USP42: variants seen among roughly 807,000 people sequenced by gnomAD.
The protein encoded by USP42 is ubiquitin specific peptidase 42, also known as ubiquitin carboxyl-terminal hydrolase 42.
In USP42, 23 loss-of-function variants were observed where a neutral mutation model predicts 113.0. The observed-to-expected ratio is 0.20, with a 90% CI of 0.15 to 0.29. The LOEUF (loss-of-function observed/expected upper bound fraction) is 0.29. Among genes scored for constraint, USP42 ranks in the 10% least tolerant of loss-of-function variants. USP42 has a pLI of 1.00. For synonymous variants in USP42, 933 were observed against 699.0 expected (o/e 1.33, Z -5.28); for missense variants, 2,174 against 1,779.8 (o/e 1.22, Z -3.99).
chr7:6,132,113 C>G (rs1449893659), intron 3 of USP42, among the ~76,000 whole-genome samples: 1 of 151,814 alleles, frequency 6.6e-6, no homozygotes, highest in African/African-American at 2.4e-5. Context: ...TTTGTAGAGA[C>G]AGGATTTTGG....
chr7:6,099,206 CCTCT>C, the USP42 span, among the ~76,000 whole-genome samples: 2 of 136,506 alleles, frequency 1.5e-5, no homozygotes, highest in Non-Finnish European at 3.1e-5. Context: ...CCCATTGTTC[CCTCT>C]CTTTTTTTTT....
At chr7:6,115,655 C>G in intron 3 of USP42, 132 bp downstream of exon 3, 1 of 1,122,934 alleles carries the variant, frequency 8.9e-7, no homozygotes, top group Non-Finnish European at 1.3e-6. Context: ...CTTTTAGAAA[C>G]CAAGGAGGAG....
chr7:6,146,748 C>T (rs965180583), intron 11 of USP42, among the ~76,000 whole-genome samples: 1 of 152,232 alleles, frequency 6.6e-6, no homozygotes, highest in Non-Finnish European at 1.5e-5. Flanking sequence ...GTTTGCTCCG[C>T]ATCGCACTCT....
Position 6,144,194 on chromosome 7 carries a change from A to G in USP42, c.988A>G (p.Lys330Glu). Reference protein sequence around the residue: ...FANFTGGKIAKDVKYPEYLDI... With the variant: ...FANFTGGKIAEDVKYPEYLDI... ...AAATTTTACCGGTGGAAAAATTGCT[A>G]AGGTATGTGGATGATGTCATTAATC... The change falls in exon 9 of 18, where the codon AAG (lysine) becomes GAG (glutamate). Residue 330 changes from lysine to glutamate, a missense_variant and splice_region_variant. Lys to Glu is a moderately conservative substitution (Grantham distance 56, BLOSUM62 1). Transcript: ENST00000306177. The G allele has an allele frequency of 6.3e-7, 1 of 1,578,304 alleles. No homozygotes were observed. Among genetic ancestry groups the G allele is most frequent in the Non-Finnish European group, 8.6e-7 (1 of 1,160,618 alleles).
chr7:6,112,308 G>A (rs1025225734), intron 2 of USP42, among the ~76,000 whole-genome samples: 2 of 152,082 alleles, frequency 1.3e-5, no homozygotes, highest in Non-Finnish European at 2.9e-5. Flanking sequence ...AATTAGCTGG[G>A]CATGGTGGTG....
At chr7:6,094,808 CT>C in the USP42 span, among the ~76,000 whole-genome samples, 11,553 of 139,676 alleles carry the variant, frequency 0.083, 798 homozygotes, top group African/African-American at 0.15. Flanking sequence ...TTCCACTTGG[CT>C]TTTTTTTTTT....
intron 1 of USP42, among the ~76,000 whole-genome samples, chr7:6,108,508 G>A (rs1286436200): frequency 6.6e-6 from 1 of 152,146 alleles, no homozygotes; most frequent in Admixed American, 6.5e-5. Context: ...TAAAGACAGA[G>A]TCTCGCTCTG....
At chr7:6,092,865 G>C in the USP42 span, among the ~76,000 whole-genome samples, 5 of 151,176 alleles carry the variant, frequency 3.3e-5, no homozygotes, top group African/African-American at 7.4e-5. Flanking sequence ...TCTTATGTTG[G>C]TGTGCAGGGA....
chr7:6,160,837 C>T lies in USP42; in HGVS notation c.*319C>T, dbSNP rs145445036. 2.0e-5 allele frequency: 3 copies of T among 152,660 alleles called. No individual in the cohort carries two copies. The highest frequency in any genetic ancestry group is 7.2e-5 in the African/African-American group (3 of 41,514). 9.5% of individuals were successfully genotyped at this position (152,660 alleles called of 1,614,324 possible). ...ATGCTGCTTAATTACAGACTCAGGTCGATTACTTGTATTTCATGTAATGTT... is the reference window on the plus strand; with the variant it reads ...ATGCTGCTTAATTACAGACTCAGGTTGATTACTTGTATTTCATGTAATGTT... On this transcript the variant is annotated 3_prime_UTR_variant, in exon 18 of 18. Transcript: ENST00000306177.
chr7:6,107,409 C>CTTTTTTTT (rs774259719), intron 1 of USP42, among the ~76,000 whole-genome samples: 4 of 130,796 alleles, frequency 3.1e-5, no homozygotes, highest in Non-Finnish European at 6.5e-5. Context: ...TCTTCCTTTT[C>CTTTTTTTT]TTTTTTTTTT....
At chr7:6,130,110 G>C (rs6953775) in intron 3 of USP42, among the ~76,000 whole-genome samples, 35,825 of 151,898 alleles carry the variant, frequency 0.24, 5,494 homozygotes, top group East Asian at 0.75. Flanking sequence ...GTCGACCTCC[G>C]AAAGTGCTAG....
At chr7:6,148,449 G>C (rs1781844838) in intron 12 of USP42, among the ~76,000 whole-genome samples, 1 of 152,210 alleles carries the variant, frequency 6.6e-6, no homozygotes, top group Non-Finnish European at 1.5e-5. Flanking sequence ...GTCCCCTCTG[G>C]ACTTCCATTC....
chr7:6,091,510 G>C, the USP42 span, among the ~76,000 whole-genome samples: 1 of 150,736 alleles, frequency 6.6e-6, no homozygotes, highest in Non-Finnish European at 1.5e-5. Flanking sequence ...TAACAGGCTT[G>C]AGCCGCCATG....
chr7:6,099,056 T>G, the USP42 span, among the ~76,000 whole-genome samples: 2 of 149,846 alleles, frequency 1.3e-5, no homozygotes, highest in Non-Finnish European at 3.0e-5. Flanking sequence ...TTCAACCTTT[T>G]CTAATGTTCT....
intron 14 of USP42, among the ~76,000 whole-genome samples, 152 bp downstream of exon 14, chr7:6,150,658 C>T (rs566345): frequency 0.018 from 2,814 of 152,292 alleles, 39 homozygotes; most frequent in Non-Finnish European, 0.028. Context: ...GATTTATTAA[C>T]TTGCCTTTTA....
chr7:6,146,772 C>G (rs549218026), intron 11 of USP42, among the ~76,000 whole-genome samples: 1 of 152,348 alleles, frequency 6.6e-6, no homozygotes, highest in Admixed American at 6.5e-5. Context: ...GCCATGAGCA[C>G]TGAAGGTGCA....
At chr7:6,141,455 C>G (rs1287801146) in intron 7 of USP42, among the ~76,000 whole-genome samples, 1 of 152,076 alleles carries the variant, frequency 6.6e-6, no homozygotes, top group Non-Finnish European at 1.5e-5. Flanking sequence ...GCCCACCTCC[C>G]AAAGTGCTGG....
intron 15 of USP42, among the ~76,000 whole-genome samples, chr7:6,155,478 C>G (rs1243505887): frequency 6.6e-6 from 1 of 152,192 alleles, no homozygotes; most frequent in East Asian, 1.9e-4. Context: ...TGCTTTATAA[C>G]TCTTCCAGGA....
chr7:6,143,200 T>TG, intron 8 of USP42, among the ~76,000 whole-genome samples, 186 bp downstream of exon 8: 1 of 152,292 alleles, frequency 6.6e-6, no homozygotes, highest in East Asian at 1.9e-4. Flanking sequence ...TTCTGCAAGA[T>TG]GCGCAGCTCT....
Sources: gnomAD v4.1 joint callset for allele counts (sites outside exome capture counted in the v4.1 genomes callset) on GRCh38, gnomAD v4.1.1 for gene constraint, MANE v1.5 for transcripts, NCBI Gene and HGNC (gene_info 2026-07-23, HGNC 2026-07-21) for gene names.